The following SORCS1 variants were observed in gnomAD, a reference collection of about 807,000 sequenced individuals.
The protein encoded by SORCS1 is sortilin related VPS10 domain containing receptor 1.
A neutral mutation model predicts 146.1 loss-of-function variants in SORCS1; 60 were observed. The ratio of observed to expected loss-of-function variants is 0.41; its 90% CI spans 0.33 to 0.51. The LOEUF is 0.51. Among genes scored for constraint, SORCS1 ranks in the 20% least tolerant of loss-of-function variants. The pLI is 0.21. For synonymous variants in SORCS1, 637 were observed against 584.0 expected (o/e 1.09, Z -1.31); for missense variants, 1,352 against 1,487.6 (o/e 0.91, Z 1.50).
chr10:107,176,398 T>G, the SORCS1 span, among the ~76,000 whole-genome samples: 1 of 151,806 alleles, frequency 6.6e-6, no homozygotes, highest in Non-Finnish European at 1.5e-5. Context: ...TGCAGTGGTG[T>G]GATCACTTCT....
At chr10:106,629,870 C>T (rs1362884961) in intron 18 of SORCS1, among the ~76,000 whole-genome samples, 1 of 152,072 alleles carries the variant, frequency 6.6e-6, no homozygotes, top group Non-Finnish European at 1.5e-5. Context: ...ATGGTGAAAC[C>T]CCGTCTCTAC....
chr10:107,097,346 T>C (rs1056730010), intron 1 of SORCS1, among the ~76,000 whole-genome samples: 5 of 152,196 alleles, frequency 3.3e-5, no homozygotes, highest in African/African-American at 4.8e-5. Flanking sequence ...TGGGACTCAA[T>C]TTCCCTACTT....
At chr10:106,755,796 A>AT (rs1858592489) in intron 5 of SORCS1, among the ~76,000 whole-genome samples, 1 of 152,104 alleles carries the variant, frequency 6.6e-6, no homozygotes, top group Non-Finnish European at 1.5e-5. Context: ...AATAGAGAAA[A>AT]AGAGACAGAC....
chr10:106,701,535 G>T (rs1438439184), intron 8 of SORCS1, among the ~76,000 whole-genome samples: 1 of 152,178 alleles, frequency 6.6e-6, no homozygotes, highest in Non-Finnish European at 1.5e-5. Context: ...CTCCAGATCT[G>T]CTGGAGATAT....
chr10:106,798,737 G>A (rs531542722), intron 3 of SORCS1, among the ~76,000 whole-genome samples: 12 of 152,210 alleles, frequency 7.9e-5, no homozygotes, highest in East Asian at 7.7e-4. Context: ...GAATAGTGCC[G>A]CAATAAACAT....
intron 1 of SORCS1, among the ~76,000 whole-genome samples, chr10:106,983,451 T>A (rs1956324763): frequency 1.3e-5 from 2 of 152,086 alleles, no homozygotes; most frequent in Non-Finnish European, 2.9e-5. Context: ...ATGTGTAGAA[T>A]TCTAAAATCA....
At position 106,954,560 on chromosome 10, in the gene SORCS1, T is replaced by C. The variant is rs146292578; in HGVS notation, c.626+1953A>G. Among the ~76,000 whole-genome samples the C allele has an allele frequency of 5.9e-3, 903 of 152,314 alleles. 7 individuals are homozygous for C. The highest frequency in any genetic ancestry group is 0.021 in the African/African-American group (856 of 41,570). Reference sequence around the variant, plus strand: ...CTTGTGGCTTGAAGGTTGGGTTTCATTGGGGGCTTGTCCCTATCTGCCTAG... The same window carrying C: ...CTTGTGGCTTGAAGGTTGGGTTTCACTGGGGGCTTGTCCCTATCTGCCTAG... On this transcript the variant is annotated intron_variant, in intron 2 of 25. Coordinates refer to ENST00000263054, the MANE Select transcript of SORCS1 (RefSeq NM_052918.5).
intron 1 of SORCS1, among the ~76,000 whole-genome samples, chr10:106,962,394 C>CAAAAA (rs60616146): frequency 1.7e-3 from 108 of 61,720 alleles, no homozygotes; most frequent in African/African-American, 3.1e-3. Context: ...AACTCCATCT[C>CAAAAA]AAAAAAAAAA....
intron 18 of SORCS1, among the ~76,000 whole-genome samples, chr10:106,648,555 T>G (rs1013689244): frequency 3.9e-5 from 6 of 152,226 alleles, no homozygotes; most frequent in African/African-American, 1.4e-4. Context: ...TTTCTTGCTC[T>G]TCATTCCTTC....
intron 19 of SORCS1, among the ~76,000 whole-genome samples, chr10:106,626,294 GGT>G (rs1470284007): frequency 7.2e-5 from 11 of 152,098 alleles, no homozygotes; most frequent in Admixed American, 7.2e-4. Context: ...AGTTTTACTA[GGT>G]GCCAGGGTAC....
At chr10:107,094,982 C>T (rs976608089) in intron 1 of SORCS1, among the ~76,000 whole-genome samples, 6 of 152,174 alleles carry the variant, frequency 3.9e-5, no homozygotes, top group South Asian at 2.1e-4. Context: ...GGCAGTCTTT[C>T]AGAGTGTCTC....
intron 2 of SORCS1, among the ~76,000 whole-genome samples, chr10:106,898,578 AG>A (rs1951578828): frequency 6.6e-6 from 1 of 152,200 alleles, no homozygotes; most frequent in Admixed American, 6.5e-5. Flanking sequence ...ATTTTTGCGT[AG>A]GGGGTCAGGG....
At chr10:107,090,995 G>T (rs1013049068) in intron 1 of SORCS1, among the ~76,000 whole-genome samples, 1 of 152,106 alleles carries the variant, frequency 6.6e-6, no homozygotes, top group Non-Finnish European at 1.5e-5. Context: ...CAGTGACCTA[G>T]AAGAGAGTAA....
chr10:106,961,920 C>T (rs552837430), intron 1 of SORCS1, among the ~76,000 whole-genome samples: 1 of 152,332 alleles, frequency 6.6e-6, no homozygotes, highest in African/African-American at 2.4e-5. Flanking sequence ...TGCCACTTAA[C>T]AAACCTGCTT....
chr10:106,792,915 T>C (rs2136536866), intron 3 of SORCS1, among the ~76,000 whole-genome samples: 1 of 152,326 alleles, frequency 6.6e-6, no homozygotes, highest in South Asian at 2.1e-4. Context: ...AAAACATCAC[T>C]TTTTTGAGAG....
At chr10:107,161,935 G>A (rs1057368277) in intron 1 of SORCS1, among the ~76,000 whole-genome samples, 6 of 152,170 alleles carry the variant, frequency 3.9e-5, no homozygotes, top group East Asian at 1.9e-4. Context: ...TCAGGGGGCA[G>A]AAATCTCACC....
chr10:106,680,930 C>T (rs1169959296), intron 10 of SORCS1, among the ~76,000 whole-genome samples: 2 of 152,102 alleles, frequency 1.3e-5, no homozygotes, highest in Admixed American at 6.5e-5. Context: ...ACAGCCAGAA[C>T]GCTGGTGAAA....
intron 1 of SORCS1, among the ~76,000 whole-genome samples, chr10:107,028,130 G>A (rs978624673): frequency 2.0e-5 from 3 of 152,178 alleles, no homozygotes; most frequent in Non-Finnish European, 2.9e-5. Flanking sequence ...TAGGAAGGAG[G>A]TGCTTTCTAG....
chr10:107,145,205 G>A (rs1968215308), intron 1 of SORCS1, among the ~76,000 whole-genome samples: 1 of 152,162 alleles, frequency 6.6e-6, no homozygotes, highest in Non-Finnish European at 1.5e-5. Context: ...GGAAAGTCTT[G>A]GGCAAACATA....
Sources: gnomAD v4.1 joint callset for allele counts (sites outside exome capture counted in the v4.1 genomes callset) on GRCh38, gnomAD v4.1.1 for gene constraint, MANE v1.5 for transcripts, NCBI Gene and HGNC (gene_info 2026-07-23, HGNC 2026-07-21) for gene names.